CRYBG1: variants seen among roughly 807,000 people sequenced by gnomAD.
The protein encoded by CRYBG1 is crystallin beta-gamma domain containing 1, also known as beta/gamma crystallin domain-containing protein 1.
In CRYBG1, 139 loss-of-function variants were observed where a neutral mutation model predicts 189.2. The ratio of observed to expected loss-of-function variants is 0.73; its 90% confidence interval spans 0.64 to 0.85. The LOEUF is 0.85. Ranked by LOEUF, CRYBG1 falls within the 40% of genes least tolerant of loss-of-function variation. The probability of loss-of-function intolerance (pLI) is 0.00; values close to 1 mark genes in which losing one functional copy is unlikely to be tolerated. For missense variants in CRYBG1, 2,611 were observed against 2,675.8 expected (o/e 0.98, Z 0.53); for synonymous variants, 1,023 against 1,017.1 (o/e 1.01, Z -0.11).
chr6:106,401,766 A>G (rs865958841), intron 1 of CRYBG1, among the ~76,000 whole-genome samples: 1 of 125,478 alleles, frequency 8.0e-6, no homozygotes, highest in Non-Finnish European at 1.6e-5. Flanking sequence ...ATAGTATTCC[A>G]TGGTGTATAT....
At chr6:106,561,533 G>A in intron 20 of CRYBG1, 33 bp downstream of exon 20, 1 of 1,591,448 alleles carries the variant, frequency 6.3e-7, no homozygotes, top group East Asian at 2.3e-5. Flanking sequence ...GGCCTGTGAT[G>A]GCTTTGCTAG....
At chr6:106,539,596 G>T (rs1774084142) in intron 9 of CRYBG1, 67 bp downstream of exon 9, 1 of 1,538,520 alleles carries the variant, frequency 6.5e-7, no homozygotes. Context: ...TTCACAGGGT[G>T]TGACTTTGAA....
Position 106,539,457 on chromosome 6 carries a change from T to C in CRYBG1, c.4773T>C (p.Pro1591=), listed in dbSNP as rs943908001. ...AGGGTGTTCCTTTCATCCTGGAACC[T>C]GGTGAATACCCTGACTTGTCCTTCT... is the stretch of plus-strand genomic sequence containing the variant. ...GFQGVPFILE[P]GEYPDLSFWD... is the part of the protein sequence containing the mutation. The change falls in exon 9 of 22, where the codon CCT becomes CCC. Residue 1591 remains proline (P), a synonymous_variant. Coordinates refer to ENST00000633556, the MANE Select transcript of CRYBG1 (RefSeq NM_001371242.2). The C allele has an allele frequency of 9.3e-6, 15 of 1,613,892 alleles. No homozygotes were observed. The highest frequency in any genetic ancestry group is 2.7e-5 in the African/African-American group (2 of 74,922).
intron 1 of CRYBG1, among the ~76,000 whole-genome samples, chr6:106,362,018 T>C (rs1771883780): frequency 6.8e-6 from 1 of 146,262 alleles, no homozygotes; most frequent in Non-Finnish European, 1.5e-5. Flanking sequence ...TCACCCAGGC[T>C]GGAGTGCACT....
chr6:106,448,835 C>T (rs1386467661), intron 1 of CRYBG1, among the ~76,000 whole-genome samples: 1 of 152,084 alleles, frequency 6.6e-6, no homozygotes, highest in Admixed American at 6.5e-5. Flanking sequence ...GTCCAGTGAT[C>T]GGTTTAGTGC....
At chr6:106,558,417 A>T in intron 17 of CRYBG1, 69 bp from the exon 18 acceptor site, 1 of 1,336,544 alleles carries the variant, frequency 7.5e-7, no homozygotes, top group Non-Finnish European at 1.0e-6. Context: ...TTGTAACAAG[A>T]TGATTTTCAC....
chr6:106,463,709 A>G (rs1772060067), intron 2 of CRYBG1, among the ~76,000 whole-genome samples: 1 of 152,174 alleles, frequency 6.6e-6, no homozygotes, highest in Non-Finnish European at 1.5e-5. Flanking sequence ...TGTTTCTTGC[A>G]TTTAAGACTG....
chr6:106,408,045 G>A (rs927188248), intron 1 of CRYBG1, among the ~76,000 whole-genome samples: 4 of 152,082 alleles, frequency 2.6e-5, no homozygotes, highest in East Asian at 1.9e-4. Context: ...GAAGGAGATA[G>A]AGACAGGAAA....
At chr6:106,374,520 T>G (rs1313061154) in intron 1 of CRYBG1, among the ~76,000 whole-genome samples, 3 of 152,202 alleles carry the variant, frequency 2.0e-5, no homozygotes, top group Non-Finnish European at 4.4e-5. Context: ...ATTGTGCCAC[T>G]GCACTCCAGC....
chr6:106,512,954 G>A lies in CRYBG1; in HGVS notation c.1837G>A (p.Ala613Thr), dbSNP rs200879033. The A allele has an allele frequency of 2.1e-3, 3,330 of 1,610,956 alleles. 9 individuals carry two copies. The highest frequency in any genetic ancestry group is 2.9e-3 in the South Asian group (267 of 90,688). ...RSRELGRAAG[A>T]PGASDADGLK... Reference sequence around the variant, plus strand: ...CAGAGAGCTGGGCAGAGCGGCCGGAGCGCCTGGAGCTTCTGACGCCGACGG... The same window carrying A: ...CAGAGAGCTGGGCAGAGCGGCCGGAACGCCTGGAGCTTCTGACGCCGACGG... Residue 613 changes from alanine (A) to threonine (T), a missense_variant, in exon 3 of 22, where the codon GCG (alanine) becomes ACG (threonine). Coordinates refer to ENST00000633556, the MANE Select transcript of CRYBG1 (RefSeq NM_001371242.2).
At chr6:106,563,689 TA>T in intron 20 of CRYBG1, 74 bp from the exon 21 acceptor site, 1 of 1,475,514 alleles carries the variant, frequency 6.8e-7, no homozygotes, top group Non-Finnish European at 9.2e-7. Flanking sequence ...AAGCCCAATG[TA>T]ACCAGAGAAA....
At chr6:106,362,313 A>G (rs1030996138) in intron 1 of CRYBG1, among the ~76,000 whole-genome samples, 1 of 152,130 alleles carries the variant, frequency 6.6e-6, no homozygotes, top group African/African-American at 2.4e-5. Flanking sequence ...ATCTATTTTC[A>G]TTCACTTATT....
chr6:106,473,080 T>C (rs538597889), intron 2 of CRYBG1, among the ~76,000 whole-genome samples: 1 of 152,312 alleles, frequency 6.6e-6, no homozygotes, highest in East Asian at 1.9e-4. Context: ...TGTTTAGAAA[T>C]TAGCTAACAG....
At chr6:106,401,391 T>C (rs1477614621) in intron 1 of CRYBG1, among the ~76,000 whole-genome samples, 2 of 15,362 alleles carry the variant, frequency 1.3e-4, no homozygotes, top group Non-Finnish European at 2.4e-4. Flanking sequence ...TGAATGATTC[T>C]TTTTTTTTTT....
intron 1 of CRYBG1, among the ~76,000 whole-genome samples, chr6:106,415,613 C>T (rs1771007548): frequency 6.6e-6 from 1 of 152,002 alleles, no homozygotes; most frequent in Non-Finnish European, 1.5e-5. Context: ...GTAGACCCAG[C>T]TACTCAGGAT....
At chr6:106,552,241 A>G (rs1774419965) in intron 15 of CRYBG1, 25 bp downstream of exon 15, 3 of 1,428,192 alleles carry the variant, frequency 2.1e-6, no homozygotes, top group South Asian at 1.3e-5. Context: ...ATTCTTTTAT[A>G]TTAATATATA....
rs1384189368 is a variant in CRYBG1 at position 106,434,167 on chromosome 6, AG to A, written c.174-17526del. On this transcript the variant is annotated intron_variant, in intron 1 of 21. Coordinates refer to ENST00000633556, the MANE Select transcript of CRYBG1 (RefSeq NM_001371242.2). ...ATCAGAGAGAAAGAGAGAGAGAGAGAGAGATTGAGACAGAAAGAGAGAGAAA... is the reference window on the plus strand; with the variant it reads ...ATCAGAGAGAAAGAGAGAGAGAGAGAAGATTGAGACAGAAAGAGAGAGAAA... Among the ~76,000 whole-genome samples, 3 of 151,678 alleles carry A rather than the reference AG, an allele frequency of 2.0e-5. No individual in the cohort carries two copies. In the East Asian group the frequency reaches 5.8e-4, roughly 29 times the overall value.
chr6:106,521,126 C>G lies in CRYBG1; in HGVS notation c.3918C>G (p.Asp1306Glu). 1 of 1,614,172 alleles carries G rather than the reference C, an allele frequency of 6.2e-7. No individual in the cohort carries two copies. Among genetic ancestry groups the G allele is most frequent in the Non-Finnish European group, 8.5e-7 (1 of 1,180,032 alleles). ...LNKEQSNLLP[D>E]NSLKVFNFNS... is the part of the protein sequence containing the mutation. Reference sequence around the variant, plus strand: ...AAGAACAGTCAAATCTTCTGCCCGACAACTCCTTAAAGGTCTTCAATTTCA... The same window carrying G: ...AAGAACAGTCAAATCTTCTGCCCGAGAACTCCTTAAAGGTCTTCAATTTCA... Residue 1306 changes from aspartate to glutamate, a missense_variant, in exon 4 of 22, where the codon GAC becomes GAG. By Grantham distance (45) the Asp-to-Glu change is conservative. Around this residue, in one of 3 missense-constraint regions of CRYBG1, gnomAD observed 1,622 missense variants for 1,735.0 expected, o/e 0.93. Transcript: ENST00000633556.
At chr6:106,516,748 T>C (rs1773432264) in intron 3 of CRYBG1, among the ~76,000 whole-genome samples, 3 of 152,198 alleles carry the variant, frequency 2.0e-5, no homozygotes, top group African/African-American at 7.2e-5. Flanking sequence ...GGAACCAGAA[T>C]AGTATAGTGG....
Sources: allele counts gnomAD v4.1 joint callset (sites outside exome capture counted in the v4.1 genomes callset), GRCh38; gene constraint gnomAD v4.1.1; regional missense constraint gnomAD v4.1.1; transcripts MANE v1.5; gene names NCBI Gene and HGNC (gene_info 2026-07-23, HGNC 2026-07-21).